RBMS3: variants seen among roughly 807,000 people sequenced by gnomAD.
The protein encoded by RBMS3 is RNA-binding motif, single-stranded-interacting protein 3.
A neutral mutation model predicts 66.8 loss-of-function variants in RBMS3; 27 were observed. That is an observed-to-expected ratio of 0.40 (90% CI 0.30 to 0.56). RBMS3 has a LOEUF of 0.56. Among genes scored for constraint, RBMS3 ranks in the 20% least tolerant of loss-of-function variants. RBMS3 has a pLI of 0.40. For missense variants in RBMS3, 513 were observed against 549.5 expected, an observed-to-expected ratio of 0.93 and a Z score of 0.66; for synonymous variants, 188 against 183.0, an observed-to-expected ratio of 1.03 and a Z score of -0.22.
chr3:29,655,281 C>G (rs2050287325), intron 4 of RBMS3, among the ~76,000 whole-genome samples: 1 of 152,098 alleles, frequency 6.6e-6, no homozygotes, highest in Non-Finnish European at 1.5e-5. Flanking sequence ...AGCTCCCCGT[C>G]TGCAGGGAGT....
intron 1 of RBMS3, among the ~76,000 whole-genome samples, chr3:29,332,937 A>G (rs2035748916): frequency 1.3e-5 from 2 of 152,192 alleles, no homozygotes; most frequent in South Asian, 2.1e-4. Context: ...ATGACTTCAT[A>G]CCATTGTTGT....
chr3:29,685,263 A>G (rs1005777271), intron 4 of RBMS3, among the ~76,000 whole-genome samples: 144 of 152,066 alleles, frequency 9.5e-4, no homozygotes, highest in African/African-American at 3.0e-3. Flanking sequence ...GGGTTTCACC[A>G]TGTTAGCCAG....
intron 1 of RBMS3, among the ~76,000 whole-genome samples, chr3:29,302,291 C>T (rs1361158783): frequency 1.3e-5 from 2 of 151,960 alleles, no homozygotes; most frequent in Non-Finnish European, 2.9e-5. Context: ...GGATTACAGG[C>T]GTGAGCTACA....
chr3:29,289,551 A>C (rs1287391044), intron 1 of RBMS3, among the ~76,000 whole-genome samples: 1 of 151,908 alleles, frequency 6.6e-6, no homozygotes, highest in Non-Finnish European at 1.5e-5. Context: ...AAAGAATCCA[A>C]ATATAGACAT....
At chr3:29,745,487 A>G (rs562587120) in intron 5 of RBMS3, among the ~76,000 whole-genome samples, 32 of 152,006 alleles carry the variant, frequency 2.1e-4, no homozygotes, top group Non-Finnish European at 1.3e-4. Context: ...CATGTTATCC[A>G]TTTCCCATTT....
chr3:29,895,242 T>G (rs1263958813), intron 8 of RBMS3, among the ~76,000 whole-genome samples: 1 of 151,616 alleles, frequency 6.6e-6, no homozygotes, highest in Non-Finnish European at 1.5e-5. Flanking sequence ...GAATGTTTTC[T>G]TACATAGTAA....
intron 2 of RBMS3, among the ~76,000 whole-genome samples, chr3:29,451,610 C>T (rs1559372338): frequency 6.6e-6 from 1 of 151,802 alleles, no homozygotes; most frequent in Non-Finnish European, 1.5e-5. Context: ...AGATCAGGAT[C>T]CTTTACTTTT....
chr3:29,437,973 C>T (rs548463795), intron 2 of RBMS3, among the ~76,000 whole-genome samples: 1 of 151,668 alleles, frequency 6.6e-6, no homozygotes, highest in East Asian at 1.9e-4. Flanking sequence ...GACCTGATGG[C>T]TGAAAAAACC....
intron 4 of RBMS3, chr3:29,731,101 A>T (rs565869229): frequency 2.3e-6 from 2 of 882,722 alleles, no homozygotes; most frequent in South Asian, 1.0e-4. Context: ...ATCTTGAAAT[A>T]AAAGCCAGCC....
intron 2 of RBMS3, among the ~76,000 whole-genome samples, chr3:29,470,293 T>G (rs1204280406): frequency 6.6e-6 from 1 of 151,966 alleles, no homozygotes; most frequent in Non-Finnish European, 1.5e-5. Context: ...TTATCTAACA[T>G]GCAATTGAAA....
At chr3:29,652,779 C>G (rs939486323) in intron 4 of RBMS3, among the ~76,000 whole-genome samples, 1 of 152,096 alleles carries the variant, frequency 6.6e-6, no homozygotes, top group Non-Finnish European at 1.5e-5. Context: ...TTTTACCAAG[C>G]CACATGCTCT....
intron 3 of RBMS3, among the ~76,000 whole-genome samples, chr3:29,506,514 A>T (rs1185101037): frequency 6.6e-6 from 1 of 151,984 alleles, no homozygotes; most frequent in Admixed American, 6.6e-5. Context: ...ATCTATGTTC[A>T]TCAGGGATAT....
At position 29,484,558 on chromosome 3, in the gene RBMS3, A is replaced by G. The variant is rs188465466; in HGVS notation, c.249-3883A>G. Among the ~76,000 whole-genome samples the G allele has an allele frequency of 3.3e-5, 5 of 152,300 alleles. No individual in the cohort carries two copies. In the East Asian group the frequency reaches 9.6e-4, roughly 29 times the overall value. The stretch of plus-strand genomic sequence containing the variant: ...ACATTCTGAGGTAGTGAGGATTACA[A>G]TTTTAACATATTAATTTTGAGGGGA... On this transcript the variant is annotated intron_variant, in intron 2 of 14. Coordinates refer to ENST00000383767, the MANE Select transcript of RBMS3 (RefSeq NM_001003793.3).
intron 1 of RBMS3, among the ~76,000 whole-genome samples, chr3:29,408,258 C>T (rs189279474): frequency 0.022 from 2,604 of 115,866 alleles, 41 homozygotes; most frequent in Non-Finnish European, 0.029. Flanking sequence ...GATGACAGAG[C>T]GAGACTCCAT....
At chr3:29,854,980 A>G (rs1377922015) in intron 6 of RBMS3, among the ~76,000 whole-genome samples, 1 of 152,206 alleles carries the variant, frequency 6.6e-6, no homozygotes, top group East Asian at 1.9e-4. Flanking sequence ...ATGGCCCTAA[A>G]AATAATAATT....
intron 4 of RBMS3, among the ~76,000 whole-genome samples, chr3:29,634,452 G>T (rs1415582142): frequency 6.6e-6 from 1 of 151,730 alleles, no homozygotes; most frequent in Non-Finnish European, 1.5e-5. Context: ...GCGAACATGG[G>T]AGCCTCTACC....
intron 3 of RBMS3, among the ~76,000 whole-genome samples, chr3:29,514,452 A>G (rs1002193541): frequency 6.6e-5 from 10 of 151,940 alleles, no homozygotes; most frequent in Admixed American, 6.6e-5. Flanking sequence ...AATGAACTTT[A>G]GTAACCTGAC....
At chr3:29,485,960 CT>C (rs1232423532) in intron 2 of RBMS3, among the ~76,000 whole-genome samples, 1 of 152,062 alleles carries the variant, frequency 6.6e-6, no homozygotes, top group Non-Finnish European at 1.5e-5. Context: ...TGAAGGCATA[CT>C]TTTTTACTTC....
chr3:29,515,429 A>G (rs1422108714), intron 3 of RBMS3, among the ~76,000 whole-genome samples: 1 of 152,192 alleles, frequency 6.6e-6, no homozygotes, highest in Admixed American at 6.5e-5. Context: ...GGCAATGGAA[A>G]CCAAGGAGAG....
Sources: allele counts gnomAD v4.1 joint callset (sites outside exome capture counted in the v4.1 genomes callset), GRCh38; gene constraint gnomAD v4.1.1; transcripts MANE v1.5; gene names NCBI Gene and HGNC (gene_info 2026-07-23, HGNC 2026-07-21).